Variants in DOCK1 observed in about 807,000 individuals in gnomAD.
DOCK1 encodes the protein dedicator of cytokinesis 1, also known as dedicator of cytokinesis protein 1.
In DOCK1, 138 loss-of-function variants were observed where a neutral mutation model predicts 262.7. The observed-to-expected ratio is 0.53, with a 90% CI of 0.46 to 0.61. The LOEUF (loss-of-function observed/expected upper bound fraction) is 0.61. DOCK1 is among the 20% of genes least tolerant of loss of function. DOCK1 has a pLI of 0.00. For missense variants in DOCK1, 1,908 were observed against 2,370.7 expected, an observed-to-expected ratio of 0.80 and a Z score of 4.05; for synonymous variants, 866 against 867.4, an observed-to-expected ratio of 1.00 and a Z score of 0.03.
At chr10:127,400,679 G>A (rs138980022) in intron 38 of DOCK1, among the ~76,000 whole-genome samples, 1 of 152,192 alleles carries the variant, frequency 6.6e-6, no homozygotes, top group East Asian at 1.9e-4. Flanking sequence ...ACAGGTGGCT[G>A]GACATAGAGT....
Position 127,418,384 on chromosome 10 carries a change from A to T in DOCK1, c.4535A>T (p.Glu1512Val). Residue 1512 changes from glutamate to valine, a missense_variant, in exon 45 of 52, where the codon GAG becomes GTG. Around this residue, in one of 9 missense-constraint regions of DOCK1, gnomAD observed 57 missense variants for 103.1 expected, o/e 0.55. Transcript: ENST00000623213. ...SVFMVEISPL[E>V]NAIETMQLTN... Reference sequence around the variant, plus strand: ...TTGCAGGTGGAAATCAGCCCCCTGGAGAATGCCATTGAGACCATGCAGCTG... The same window carrying T: ...TTGCAGGTGGAAATCAGCCCCCTGGTGAATGCCATTGAGACCATGCAGCTG... 6.2e-7 allele frequency: 1 copy of T among 1,611,884 alleles called. No homozygotes were observed. Among genetic ancestry groups the T allele is most frequent in the South Asian group, 1.1e-5 (1 of 90,868 alleles).
chr10:126,949,147 G>T (rs1479595179), intron 1 of DOCK1, among the ~76,000 whole-genome samples: 1 of 152,058 alleles, frequency 6.6e-6, no homozygotes, highest in Non-Finnish European at 1.5e-5. Flanking sequence ...GTTCCCCTCT[G>T]CACTTGTTTG....
chr10:127,088,891 A>T (rs1202673664), intron 23 of DOCK1, among the ~76,000 whole-genome samples: 1 of 152,102 alleles, frequency 6.6e-6, no homozygotes, highest in African/African-American at 2.4e-5. Context: ...CTCAGAGTCT[A>T]AGGGGCTTCC....
rs549023395 is a variant in DOCK1, at chr10:127,404,647, C to T, written c.4122+218C>T. On this transcript the variant is annotated intron_variant, in intron 40 of 51. Coordinates refer to ENST00000623213, the MANE Select transcript of DOCK1 (RefSeq NM_001290223.2). ...TATCTGATTTTTCCGTAAAAGGACC[C>T]TCCTTCAGAGATTTACACGTATTAT... 1.2e-3 allele frequency among the ~76,000 whole-genome samples: 190 copies of T among 152,280 alleles called. 1 individual carries two copies. The highest frequency in any genetic ancestry group is 3.3e-3 in the Admixed American group (51 of 15,300).
intron 24 of DOCK1, among the ~76,000 whole-genome samples, chr10:127,108,037 C>T (rs997500809): frequency 6.6e-6 from 1 of 152,232 alleles, no homozygotes; most frequent in Non-Finnish European, 1.5e-5. Flanking sequence ...ACCTGCTTGG[C>T]CAGGGCCGAT....
intron 1 of DOCK1, among the ~76,000 whole-genome samples, chr10:126,954,810 G>A (rs1458482963): frequency 6.6e-6 from 1 of 152,154 alleles, no homozygotes; most frequent in African/African-American, 2.4e-5. Flanking sequence ...TACATACCAC[G>A]TTTTATCCAT....
chr10:127,045,199 A>AT (rs1491220343), intron 21 of DOCK1, among the ~76,000 whole-genome samples: 2 of 128,272 alleles, frequency 1.6e-5, no homozygotes, highest in African/African-American at 3.0e-5. Flanking sequence ...CTCTGTCTCA[A>AT]TAAAAAAAAA....
intron 27 of DOCK1, among the ~76,000 whole-genome samples, chr10:127,185,396 C>T (rs987094013): frequency 1.3e-5 from 2 of 152,010 alleles, no homozygotes; most frequent in Non-Finnish European, 2.9e-5. Flanking sequence ...CGTGGTGATG[C>T]GTGCCTGTAA....
At chr10:127,106,056 C>T (rs980107155) in intron 23 of DOCK1, among the ~76,000 whole-genome samples, 175 bp from the exon 24 acceptor site, 2 of 152,148 alleles carry the variant, frequency 1.3e-5, no homozygotes, top group Non-Finnish European at 2.9e-5. Context: ...TGAGCCACTG[C>T]GCCTGATGAC....
At chr10:126,912,529 C>T (rs563254975) in intron 1 of DOCK1, among the ~76,000 whole-genome samples, 6 of 150,442 alleles carry the variant, frequency 4.0e-5, no homozygotes, top group African/African-American at 1.5e-4. Flanking sequence ...GATCGAGACC[C>T]TCCCGGCTAA....
rs183453737 is a variant in DOCK1 at position 127,284,564 on chromosome 10, A to G, written c.3044+27135A>G. 2.4e-4 allele frequency among the ~76,000 whole-genome samples: 36 copies of G among 152,328 alleles called. No individual in the cohort carries two copies. In the East Asian group the frequency reaches 6.8e-3, roughly 29 times the overall value. On this transcript the variant is annotated intron_variant, in intron 29 of 51. Transcript: ENST00000623213. ...TTAAGGTTTTAACATAATGTTAGGG[A>G]TAATTTCTGGGCAATTTGTTGCTTC...
chr10:127,176,178 C>T lies in DOCK1; in HGVS notation c.2847+48414C>T, dbSNP rs372715738. 1.4e-5 allele frequency: 22 copies of T among 1,614,120 alleles called. No homozygotes were observed. Among genetic ancestry groups the T allele is most frequent in the South Asian group, 5.5e-5 (5 of 91,078 alleles). The stretch of plus-strand genomic sequence containing the variant: ...TCTGCAGGACACGGGCTTGGCCTCC[C>T]GCTTCTCCCCCAGCTGGCCCGAGGA... On this transcript the variant is annotated intron_variant, in intron 27 of 51. Coordinates refer to ENST00000623213, the MANE Select transcript of DOCK1 (RefSeq NM_001290223.2). This position sits in a 1 kb window ranked among gnomAD's most constrained non-coding sequence, Gnocchi z 4.4.
intron 27 of DOCK1, among the ~76,000 whole-genome samples, chr10:127,203,702 T>C (rs1308095583): frequency 6.6e-6 from 1 of 152,076 alleles, no homozygotes; most frequent in Non-Finnish European, 1.5e-5. Flanking sequence ...GTCTTCGCTT[T>C]AATTGCACTG....
At chr10:127,345,436 A>G (rs2063588245) in intron 31 of DOCK1, among the ~76,000 whole-genome samples, 1 of 152,202 alleles carries the variant, frequency 6.6e-6, no homozygotes, top group African/African-American at 2.4e-5. Context: ...TTCAGGGCCC[A>G]CGATTTTCAC....
chr10:127,420,901 A>ATTTG (rs80287621), intron 46 of DOCK1, among the ~76,000 whole-genome samples: 10,916 of 124,428 alleles, frequency 0.088, 498 homozygotes, highest in South Asian at 0.17. Flanking sequence ...TGAGCAGTTT[A>ATTTG]TTTGTTTGTT....
At chr10:126,999,471 A>G (rs1310255931) in intron 9 of DOCK1, 36 bp downstream of exon 9, 3 of 1,576,868 alleles carry the variant, frequency 1.9e-6, no homozygotes, top group East Asian at 2.2e-5. Flanking sequence ...TGAATTGGCT[A>G]CCATTCTAAG....
intron 1 of DOCK1, among the ~76,000 whole-genome samples, chr10:126,949,010 C>T (rs2035913998): frequency 6.6e-6 from 1 of 152,250 alleles, no homozygotes; most frequent in Admixed American, 6.5e-5. Context: ...CCCTTTGTAA[C>T]TGAGCTTTCG....
chr10:127,218,663 T>C (rs2058309073), intron 27 of DOCK1, among the ~76,000 whole-genome samples: 1 of 152,202 alleles, frequency 6.6e-6, no homozygotes, highest in African/African-American at 2.4e-5. Flanking sequence ...AAATACAATG[T>C]CTCTTACCTT....
In DOCK1 at chr10:127,428,133, A is replaced by T. The variant is rs900050979; in HGVS notation, c.4914+2122A>T. On this transcript the variant is annotated intron_variant, in intron 47 of 51. Transcript: ENST00000623213. ...CAAGAAGCGTTTCGGAGTGCGTCAC[A>T]TCGCATCTCTTTCAAAGTTGATGCC... Among the ~76,000 whole-genome samples the T allele has an allele frequency of 2.6e-5, 4 of 152,386 alleles. No individual in the cohort carries two copies. The South Asian group carries it at 6.2e-4, about 24-fold the overall frequency.
Sources: allele counts gnomAD v4.1 joint callset (sites outside exome capture counted in the v4.1 genomes callset), GRCh38; gene constraint gnomAD v4.1.1; regional missense constraint gnomAD v4.1.1; non-coding constraint Gnocchi (gnomAD v3.1); transcripts MANE v1.5; gene names NCBI Gene and HGNC (gene_info 2026-07-23, HGNC 2026-07-21).